ANK2: variants seen among roughly 807,000 people sequenced by gnomAD.
The protein encoded by ANK2 is ankyrin-2.
ANK2 carries 83 observed loss-of-function variants against 360.5 expected under a neutral mutation model. That is an observed-to-expected ratio of 0.23 (90% CI 0.19 to 0.28). The LOEUF (loss-of-function observed/expected upper bound fraction) is 0.28. Ranked by LOEUF, ANK2 falls within the 10% of genes least tolerant of loss-of-function variation. The pLI, the probability that ANK2 is intolerant of heterozygous loss-of-function variation, is 1.00. For missense variants in ANK2, 4,201 were observed against 4,795.7 expected (o/e 0.88, Z 3.66); for synonymous variants, 1,740 against 1,759.5 (o/e 0.99, Z 0.28).
At chr4:113,211,609 G>A (rs2099022913) in intron 4 of ANK2, among the ~76,000 whole-genome samples, 1 of 152,142 alleles carries the variant, frequency 6.6e-6, no homozygotes, top group African/African-American at 2.4e-5. Flanking sequence ...GGGGGTGTGA[G>A]AGCCTCTTAC....
rs750510790 is a variant in ANK2, at chr4:113,341,708, G to A, written c.3914G>A (p.Arg1305Gln). 5.0e-6 allele frequency: 8 copies of A among 1,613,904 alleles called. No individual in the cohort carries two copies. Among genetic ancestry groups the A allele is most frequent in the Middle Eastern group, 1.6e-4 (1 of 6,082 alleles). ...AATAGGTTCTGGCTGATAGATTGTC[G>A]ACAGATCCAGGAATCCGTTACTTTT... ...VSARFWLIDC[R>Q]QIQESVTFAS... Residue 1305 changes from arginine (R) to glutamine (Q), a missense_variant, in exon 33 of 46, where the codon CGA becomes CAA. Arg to Gln is a conservative substitution (Grantham distance 43). Transcript: ENST00000357077.
At chr4:113,285,870 A>G (rs2064310114) in intron 18 of ANK2, among the ~76,000 whole-genome samples, 1 of 152,240 alleles carries the variant, frequency 6.6e-6, no homozygotes, top group Non-Finnish European at 1.5e-5. Context: ...CCTGAGGCCT[A>G]AAACGCACAA....
At chr4:113,092,577 A>G (rs1362030779) in intron 1 of ANK2, among the ~76,000 whole-genome samples, 1 of 76,066 alleles carries the variant, frequency 1.3e-5, no homozygotes, top group East Asian at 4.0e-4. Context: ...TTAGCTATTC[A>G]TCTTTGAATA....
At chr4:113,057,070 T>C (rs1458448716) in intron 1 of ANK2, among the ~76,000 whole-genome samples, 1 of 152,212 alleles carries the variant, frequency 6.6e-6, no homozygotes, top group East Asian at 1.9e-4. Context: ...TTGCTGAGTG[T>C]ATAGCACTGT....
chr4:112,776,558 G>C, the ANK2 span, among the ~76,000 whole-genome samples: 2 of 152,170 alleles, frequency 1.3e-5, no homozygotes, highest in Admixed American at 1.3e-4. Context: ...GAAGAAAAAG[G>C]AAAGGTCAGA....
At chr4:112,878,727 G>A (rs913403139) in intron 1 of ANK2, among the ~76,000 whole-genome samples, 2 of 151,720 alleles carry the variant, frequency 1.3e-5, no homozygotes, top group African/African-American at 4.9e-5. Flanking sequence ...TCCGCCTCTC[G>A]TGTTCACGCC....
rs1490089497 is a variant in ANK2, at chr4:113,369,759, A to T, written c.11564A>T (p.Gln3855Leu). The T allele has an allele frequency of 6.2e-7, 1 of 1,614,018 alleles. No homozygotes were observed. Among genetic ancestry groups the T allele is most frequent in the Non-Finnish European group, 8.5e-7 (1 of 1,180,020 alleles). ...SLVIVESADN[Q>L]PETCERLDED... is the part of the protein sequence containing the mutation. The stretch of plus-strand genomic sequence containing the variant: ...GTAATAGTGGAGTCTGCCGATAACC[A>T]GCCTGAGACCTGTGAAAGACTCGAT... The change falls in exon 43 of 46, where the codon CAG becomes CTG. Residue 3855 changes from glutamine (Q) to leucine (L), a missense_variant. Gln to Leu is a moderately radical substitution (Grantham distance 113). Transcript: ENST00000357077.
the ANK2 span, among the ~76,000 whole-genome samples, chr4:112,787,619 A>G: frequency 6.6e-6 from 1 of 152,188 alleles, no homozygotes; most frequent in Admixed American, 6.5e-5. Context: ...AGTCCACTCC[A>G]TGGGTCAAGA....
chr4:113,230,978 T>C (rs911324423), intron 4 of ANK2, among the ~76,000 whole-genome samples: 1 of 152,014 alleles, frequency 6.6e-6, no homozygotes, highest in Non-Finnish European at 1.5e-5. Context: ...TAAAAAACAA[T>C]ATAAAGATGT....
intron 2 of ANK2, among the ~76,000 whole-genome samples, chr4:113,020,556 G>A (rs970393834): frequency 6.6e-6 from 1 of 152,070 alleles, no homozygotes; most frequent in Non-Finnish European, 1.5e-5. Flanking sequence ...GGCCGGCTGC[G>A]CTGGCTCACG....
At chr4:113,152,790 A>G (rs1476433566) in intron 1 of ANK2, among the ~76,000 whole-genome samples, 1 of 151,878 alleles carries the variant, frequency 6.6e-6, no homozygotes, top group East Asian at 1.9e-4. Flanking sequence ...GGACCCAGCT[A>G]TTTGGGAGGC....
At chr4:112,837,127 G>A (rs28793639) in intron 1 of ANK2, among the ~76,000 whole-genome samples, 46,509 of 152,040 alleles carry the variant, frequency 0.31, 7,204 homozygotes, top group East Asian at 0.35. Flanking sequence ...AGGCTGCTCT[G>A]CTCTGTGCAG....
chr4:112,955,749 T>A (rs2095301616), intron 2 of ANK2, among the ~76,000 whole-genome samples: 1 of 152,224 alleles, frequency 6.6e-6, no homozygotes, highest in South Asian at 2.1e-4. Flanking sequence ...ATTTATGTGC[T>A]AATCTTTGAT....
chr4:113,062,657 A>G (rs955216506), intron 1 of ANK2, among the ~76,000 whole-genome samples: 8 of 152,050 alleles, frequency 5.3e-5, no homozygotes, highest in Non-Finnish European at 1.0e-4. Context: ...TTCCACATGG[A>G]CCTCCTAGAA....
At position 113,237,666 on chromosome 4, in the gene ANK2, T is replaced by G. The variant is rs150643412; in HGVS notation, c.693+44T>G. The G allele has an allele frequency of 6.5e-6, 10 of 1,537,358 alleles. No homozygotes were observed. In the East Asian group the frequency reaches 2.3e-4, roughly 35 times the overall value. On this transcript the variant is annotated intron_variant, in intron 7 of 45. Coordinates refer to ENST00000357077, the MANE Select transcript of ANK2 (RefSeq NM_001148.6). ...ACCAAAATTTACCTTGTCTTTATTTTTAGTTTTTGCCCAATTGGAATAAAT... is the reference window on the plus strand; with the variant it reads ...ACCAAAATTTACCTTGTCTTTATTTGTAGTTTTTGCCCAATTGGAATAAAT...
At chr4:112,749,009 C>T in the ANK2 span, among the ~76,000 whole-genome samples, 2 of 152,214 alleles carry the variant, frequency 1.3e-5, no homozygotes, top group African/African-American at 4.8e-5. Flanking sequence ...AAGCCATTCT[C>T]GGGCCTCGGC....
chr4:112,796,432 A>G, the ANK2 span, among the ~76,000 whole-genome samples: 3 of 125,160 alleles, frequency 2.4e-5, no homozygotes, highest in Admixed American at 2.7e-4. Flanking sequence ...TCAAAAAAAA[A>G]TATCTATATA....
intron 1 of ANK2, among the ~76,000 whole-genome samples, chr4:112,844,994 G>T (rs1454776130): frequency 6.6e-6 from 1 of 152,166 alleles, no homozygotes; most frequent in African/African-American, 2.4e-5. Flanking sequence ...ATTTCAGAGA[G>T]AAATTTCTTA....
rs1223816330 is a variant in ANK2, at chr4:112,993,393, C to T, written c.21+88879C>T. 2.0e-5 allele frequency among the ~76,000 whole-genome samples: 3 copies of T among 151,736 alleles called. No homozygotes were observed. In the South Asian group the frequency reaches 6.3e-4, roughly 32 times the overall value. On this transcript the variant is annotated intron_variant, in intron 2 of 30. Transcript: ENST00000503271. The stretch of plus-strand genomic sequence containing the variant: ...TCTTGGCTCACTGCAACCTCCACCT[C>T]CCAGGTTCAAGCAATTCTCTGCCTC...
Sources: allele counts gnomAD v4.1 joint callset (sites outside exome capture counted in the v4.1 genomes callset), GRCh38; gene constraint gnomAD v4.1.1; transcripts MANE v1.5; gene names NCBI Gene and HGNC (gene_info 2026-07-23, HGNC 2026-07-21).